The following SUGCT variants were observed in gnomAD, a reference collection of about 807,000 sequenced individuals.
SUGCT encodes the protein succinyl-CoA:glutarate CoA-transferase.
In SUGCT, 41 loss-of-function variants were observed where a neutral mutation model predicts 55.0. The ratio of observed to expected loss-of-function variants is 0.74; its 90% CI spans 0.58 to 0.97. SUGCT has a LOEUF of 0.97. Ranked by LOEUF, SUGCT falls within the 50% of genes least tolerant of loss-of-function variation. The probability of loss-of-function intolerance (pLI) is 0.00; values close to 1 mark genes in which losing one functional copy is unlikely to be tolerated. For missense variants in SUGCT, 568 were observed against 547.8 expected, an observed-to-expected ratio of 1.04 and a Z score of -0.37; for synonymous variants, 187 against 200.4, an observed-to-expected ratio of 0.93 and a Z score of 0.56.
chr7:40,951,457 G>T, the SUGCT span, among the ~76,000 whole-genome samples: 1 of 152,152 alleles, frequency 6.6e-6, no homozygotes, highest in East Asian at 1.9e-4. Context: ...GTCTCCTTCA[G>T]TTCTGCTCTG....
intron 9 of SUGCT, among the ~76,000 whole-genome samples, chr7:40,343,794 C>G (rs1483073353): frequency 6.6e-6 from 1 of 151,806 alleles, no homozygotes; most frequent in Non-Finnish European, 1.5e-5. Context: ...GTAGCTGGGA[C>G]TACAGGCACC....
rs1034223458 is a variant in SUGCT, at chr7:40,279,343, G to A, written c.720+4687G>A. 3.5e-4 allele frequency among the ~76,000 whole-genome samples: 53 copies of A among 152,066 alleles called. 1 individual carries two copies. Among genetic ancestry groups the A allele is most frequent in the Admixed American group, 2.8e-3 (42 of 15,240 alleles). On this transcript the variant is annotated intron_variant, in intron 8 of 13. Coordinates refer to ENST00000335693, the MANE Select transcript of SUGCT (RefSeq NM_001193313.2). ...ACACTGAGTGGCATAAGCAATTCCT[G>A]GTACTAGCGATGGGGTTAACTCCAC... is the stretch of plus-strand genomic sequence containing the variant.
intron 10 of SUGCT, among the ~76,000 whole-genome samples, chr7:40,449,688 C>A (rs549956091): frequency 2.5e-4 from 38 of 151,888 alleles, no homozygotes; most frequent in Non-Finnish European, 4.4e-4. Flanking sequence ...TCCCTTCCTG[C>A]CTTCCTTTCT....
intron 8 of SUGCT, 112 bp downstream of exon 8, chr7:40,274,768 A>G: frequency 3.1e-6 from 3 of 955,370 alleles, no homozygotes; most frequent in Non-Finnish European, 4.8e-6. Context: ...AAACCAACAC[A>G]ACAACACTGA....
At chr7:40,233,888 G>C (rs1355949436) in intron 6 of SUGCT, among the ~76,000 whole-genome samples, 6 of 152,144 alleles carry the variant, frequency 3.9e-5, no homozygotes, top group African/African-American at 9.7e-5. Context: ...AATTGTCAAA[G>C]ATTTAATAGT....
intron 9 of SUGCT, among the ~76,000 whole-genome samples, chr7:40,330,800 A>G (rs1054506313): frequency 1.3e-5 from 2 of 152,112 alleles, no homozygotes; most frequent in African/African-American, 4.8e-5. Context: ...GCTTACATAT[A>G]ATTTTCTTTT....
At chr7:40,894,513 C>T in the SUGCT span, among the ~76,000 whole-genome samples, 1 of 152,092 alleles carries the variant, frequency 6.6e-6, no homozygotes, top group Non-Finnish European at 1.5e-5. Flanking sequence ...AAGAAATTAT[C>T]AACAGAGTAA....
At chr7:40,300,077 G>T (rs1007477520) in intron 8 of SUGCT, among the ~76,000 whole-genome samples, 14 of 152,120 alleles carry the variant, frequency 9.2e-5, no homozygotes, top group Admixed American at 7.2e-4. Context: ...TTATAAAATT[G>T]TTGTATAGCA....
intron 12 of SUGCT, among the ~76,000 whole-genome samples, chr7:40,609,786 A>G (rs180848258): frequency 5.9e-5 from 9 of 152,318 alleles, no homozygotes; most frequent in Non-Finnish European, 1.0e-4. Flanking sequence ...GGAGTAACAA[A>G]TGATCTCTTT....
intron 1 of SUGCT, among the ~76,000 whole-genome samples, chr7:40,150,074 A>C (rs1012557529): frequency 6.6e-6 from 1 of 151,804 alleles, no homozygotes. Flanking sequence ...ACCTGGGAAC[A>C]GAGTGAGACC....
the SUGCT span, among the ~76,000 whole-genome samples, chr7:41,034,860 G>A: frequency 2.2e-4 from 34 of 152,166 alleles, no homozygotes; most frequent in Non-Finnish European, 2.9e-4. Context: ...GGTGATGGGG[G>A]TATCACTTAA....
At chr7:40,661,669 C>G (rs569042564) in intron 12 of SUGCT, among the ~76,000 whole-genome samples, 4 of 152,304 alleles carry the variant, frequency 2.6e-5, no homozygotes, top group African/African-American at 9.6e-5. Flanking sequence ...CCCCATTGAT[C>G]TATGTCTTGT....
intron 9 of SUGCT, among the ~76,000 whole-genome samples, chr7:40,439,072 A>ATATATATATATATG (rs1788346283): frequency 1.9e-5 from 1 of 51,430 alleles, no homozygotes; most frequent in Non-Finnish European, 3.8e-5. Context: ...GTGTATATAT[A>ATATATATATATATG]TATATATATA....
rs906004644 is a variant in SUGCT, at chr7:40,828,314, G to C, written c.1154-32002G>C. ...AAGGGGAGCAAGCATGTTCCAGTTG[G>C]GGGCTATAGGGCACATGGTCTTTCT... On this transcript the variant is annotated intron_variant, in intron 13 of 13. Transcript: ENST00000335693. 2.6e-5 allele frequency among the ~76,000 whole-genome samples: 4 copies of C among 152,148 alleles called. No individual in the cohort carries two copies. In the East Asian group the frequency reaches 5.8e-4, roughly 22 times the overall value.
At chr7:40,911,505 C>G in the SUGCT span, among the ~76,000 whole-genome samples, 1 of 150,488 alleles carries the variant, frequency 6.6e-6, no homozygotes, top group Non-Finnish European at 1.5e-5. Context: ...GAGGTCAAGG[C>G]TACAGTGAGC....
chr7:40,477,943 G>A (rs935645585), intron 11 of SUGCT, among the ~76,000 whole-genome samples: 3 of 152,082 alleles, frequency 2.0e-5, no homozygotes, highest in Non-Finnish European at 4.4e-5. Context: ...ATAGATTTTA[G>A]GGCAAGAAGT....
At chr7:40,823,948 G>A (rs964082617) in intron 13 of SUGCT, among the ~76,000 whole-genome samples, 2 of 152,052 alleles carry the variant, frequency 1.3e-5, no homozygotes, top group African/African-American at 4.8e-5. Flanking sequence ...TTACCTAGTA[G>A]GTTCCAAGTA....
intron 11 of SUGCT, among the ~76,000 whole-genome samples, chr7:40,473,136 A>C (rs1336844215): frequency 1.3e-5 from 2 of 152,204 alleles, no homozygotes; most frequent in Non-Finnish European, 2.9e-5. Flanking sequence ...GATGAAACAC[A>C]GTCCACCAAT....
In SUGCT at chr7:40,584,075, G is replaced by A. The variant is rs564643890; in HGVS notation, c.1089+87689G>A. 9.2e-5 allele frequency among the ~76,000 whole-genome samples: 14 copies of A among 152,286 alleles called. No individual in the cohort carries two copies. The South Asian group carries it at 2.9e-3, about 32-fold the overall frequency. On this transcript the variant is annotated intron_variant, in intron 12 of 13. Transcript: ENST00000335693. ...CTCAGTCAAGAAAAGGTCATACAGT[G>A]TGGCGTCGAATGTAATTTTAGGAAT...
Sources: allele counts gnomAD v4.1 joint callset (sites outside exome capture counted in the v4.1 genomes callset), GRCh38; gene constraint gnomAD v4.1.1; transcripts MANE v1.5; gene names NCBI Gene and HGNC (gene_info 2026-07-23, HGNC 2026-07-21).